Variants in KCNH7 observed in about 807,000 individuals in gnomAD.
KCNH7 encodes the protein voltage-gated inwardly rectifying potassium channel KCNH7.
Under a neutral mutation model 120.8 loss-of-function variants are expected in KCNH7, and 49 were observed. That is an observed-to-expected ratio of 0.41 (90% CI 0.32 to 0.51). The LOEUF is 0.51. KCNH7 is among the 20% of genes least tolerant of loss of function. KCNH7 has a pLI of 0.38. For missense variants in KCNH7, 1,097 were observed against 1,446.6 expected (o/e 0.76, Z 3.92); for synonymous variants, 547 against 516.1 (o/e 1.06, Z -0.81).
chr2:162,391,803 G>A lies in KCNH7; in HGVS notation c.2710+2586C>T, dbSNP rs537299323. On this transcript the variant is annotated intron_variant, in intron 12 of 15. Coordinates refer to ENST00000332142, the MANE Select transcript of KCNH7 (RefSeq NM_033272.4). ...AAGACATTATTATATTGACAACATT[G>A]TTAACCTGTTGTTCATTTCCAGTAA... Among the ~76,000 whole-genome samples, 47 of 152,116 alleles carry A rather than the reference G, an allele frequency of 3.1e-4. No homozygotes were observed. In the South Asian group the frequency reaches 8.5e-3, roughly 28 times the overall value.
intron 2 of KCNH7, among the ~76,000 whole-genome samples, chr2:162,778,031 C>T (rs544327167): frequency 6.6e-6 from 1 of 151,822 alleles, no homozygotes; most frequent in East Asian, 1.9e-4. Context: ...CAAATAATAG[C>T]AATTCAATAA....
At chr2:162,540,537 T>C (rs1193022219) in intron 2 of KCNH7, among the ~76,000 whole-genome samples, 2 of 152,054 alleles carry the variant, frequency 1.3e-5, no homozygotes, top group African/African-American at 4.8e-5. Flanking sequence ...TTAAAGGCGT[T>C]TTATTGTACT....
chr2:162,637,259 C>T lies in KCNH7; in HGVS notation c.308-100179G>A, dbSNP rs553427264. On this transcript the variant is annotated intron_variant, in intron 2 of 15. Transcript: ENST00000332142. The stretch of plus-strand genomic sequence containing the variant: ...ATCATTTAATCCTTCCCTATGTGAC[C>T]TGTTCTTCTTTCCTTTGCCAGGGCC... Among the ~76,000 whole-genome samples the T allele has an allele frequency of 4.6e-5, 7 of 152,072 alleles. No individual in the cohort carries two copies. The South Asian group carries it at 1.2e-3, about 27-fold the overall frequency.
intron 2 of KCNH7, among the ~76,000 whole-genome samples, chr2:162,683,789 C>G (rs908504949): frequency 6.6e-6 from 1 of 151,762 alleles, no homozygotes; most frequent in Admixed American, 6.6e-5. Flanking sequence ...TTTATAAATT[C>G]AATGCTATAC....
chr2:162,674,053 A>T (rs1024475937), intron 2 of KCNH7, among the ~76,000 whole-genome samples: 1 of 151,896 alleles, frequency 6.6e-6, no homozygotes, highest in Admixed American at 6.6e-5. Context: ...TCTAGCCTAC[A>T]CAGTAAGGTA....
chr2:162,547,124 C>T (rs1395919925), intron 2 of KCNH7, among the ~76,000 whole-genome samples: 1 of 152,142 alleles, frequency 6.6e-6, no homozygotes, highest in Non-Finnish European at 1.5e-5. Context: ...TGAGACAGCG[C>T]GTGTGTCAGC....
rs1224297777 is a variant in KCNH7 at position 162,375,895 on chromosome 2, TAAAA to T, written c.3132-2237_3132-2234del. ...ACAGAGGACAGAGCCAGACCCTATC[TAAAA>T]AAAAAAAAAAAAGAAAAAAAAGAGG... On this transcript the variant is annotated intron_variant, in intron 14 of 15. Coordinates refer to ENST00000332142, the MANE Select transcript of KCNH7 (RefSeq NM_033272.4). 8.7e-5 allele frequency among the ~76,000 whole-genome samples: 8 copies of T among 92,134 alleles called. No individual in the cohort carries two copies. In the South Asian group the frequency reaches 2.7e-3, roughly 31 times the overall value. 60.4% of individuals were successfully genotyped at this position (92,134 alleles called of 152,430 possible).
intron 2 of KCNH7, among the ~76,000 whole-genome samples, chr2:162,585,890 G>A (rs1321949206): frequency 1.3e-5 from 2 of 151,948 alleles, no homozygotes; most frequent in Non-Finnish European, 2.9e-5. Flanking sequence ...TGCAATAAAT[G>A]TGTGAACTCA....
intron 2 of KCNH7, among the ~76,000 whole-genome samples, chr2:162,651,335 T>A (rs1684558411): frequency 6.6e-6 from 1 of 152,128 alleles, no homozygotes; most frequent in South Asian, 2.1e-4. Flanking sequence ...CAATACCCAA[T>A]AGTTATCTTT....
Position 162,824,635 on chromosome 2 carries a change from A to G in KCNH7, c.307+11902T>C, listed in dbSNP as rs1314911921. On this transcript the variant is annotated intron_variant, in intron 2 of 15. Transcript: ENST00000332142. Reference sequence around the variant, plus strand: ...CATTTCAATACTATTATATTGGAATAAATTTAGCAGTTTATCTGATACTGT... The same window carrying G: ...CATTTCAATACTATTATATTGGAATGAATTTAGCAGTTTATCTGATACTGT... 3.9e-5 allele frequency among the ~76,000 whole-genome samples: 6 copies of G among 152,198 alleles called. No homozygotes were observed. In the East Asian group the frequency reaches 7.7e-4, roughly 20 times the overall value.
intron 2 of KCNH7, among the ~76,000 whole-genome samples, chr2:162,702,107 G>C (rs889416562): frequency 6.6e-6 from 1 of 151,970 alleles, no homozygotes; most frequent in African/African-American, 2.4e-5. Context: ...AATGCATGGA[G>C]AAAAAAATTT....
Position 162,396,938 on chromosome 2 carries a change from A to AT in KCNH7, c.2414dup (p.Asn805LysfsTer2). 1 of 1,601,338 alleles carries AT rather than the reference A, an allele frequency of 6.2e-7. No homozygotes were observed. The highest frequency in any genetic ancestry group is 8.5e-7 in the Non-Finnish European group (1 of 1,171,026). On this transcript the variant is annotated frameshift_variant, in exon 11 of 16. Coordinates refer to ENST00000332142, the MANE Select transcript of KCNH7 (RefSeq NM_033272.4). LOFTEE classifies it high-confidence loss of function. ...GATGAACCATTTCTCCAAATATATC[A>AT]TTTTTTCCTAAGAAAATATAAAGAA...
At chr2:162,769,976 G>A (rs1031659191) in intron 2 of KCNH7, among the ~76,000 whole-genome samples, 11 of 152,082 alleles carry the variant, frequency 7.2e-5, no homozygotes, top group Middle Eastern at 6.8e-3. Context: ...AAAGCAAAGT[G>A]ATGCTCTTGA....
chr2:162,714,971 T>G (rs929476900), intron 2 of KCNH7, among the ~76,000 whole-genome samples: 3 of 152,180 alleles, frequency 2.0e-5, no homozygotes, highest in Non-Finnish European at 2.9e-5. Context: ...GTTATAAATG[T>G]CATGCTAATA....
At chr2:162,554,765 G>A (rs753655279) in intron 2 of KCNH7, among the ~76,000 whole-genome samples, 10 of 152,090 alleles carry the variant, frequency 6.6e-5, no homozygotes, top group Non-Finnish European at 1.2e-4. Flanking sequence ...GGGCCCATAT[G>A]TATAAATCAG....
At chr2:162,761,511 AT>A (rs1452406418) in intron 2 of KCNH7, among the ~76,000 whole-genome samples, 1 of 152,112 alleles carries the variant, frequency 6.6e-6, no homozygotes, top group Non-Finnish European at 1.5e-5. Context: ...AAAATATCTG[AT>A]TCGATTACAG....
chr2:162,663,138 A>T (rs1685023840), intron 2 of KCNH7, among the ~76,000 whole-genome samples: 1 of 152,210 alleles, frequency 6.6e-6, no homozygotes, highest in African/African-American at 2.4e-5. Context: ...AGCCATGGGT[A>T]ATTCATCTGT....
intron 2 of KCNH7, chr2:162,784,563 T>A (rs1683629728): frequency 6.6e-6 from 1 of 152,188 alleles, no homozygotes; most frequent in African/African-American, 2.4e-5. Flanking sequence ...TGGTTTTATG[T>A]TAAATTTTCT....
At chr2:162,426,108 G>A (rs1187976478) in intron 8 of KCNH7, among the ~76,000 whole-genome samples, 1 of 151,582 alleles carries the variant, frequency 6.6e-6, no homozygotes, top group Non-Finnish European at 1.5e-5. Context: ...CAGCTATTCC[G>A]GAAGCTGAGG....
Sources: allele counts gnomAD v4.1 joint callset (sites outside exome capture counted in the v4.1 genomes callset), GRCh38; gene constraint gnomAD v4.1.1; transcripts MANE v1.5; gene names NCBI Gene and HGNC (gene_info 2026-07-23, HGNC 2026-07-21).